CLCN3: variants seen among roughly 807,000 people sequenced by gnomAD.
CLCN3 encodes H(+)/Cl(-) exchange transporter 3.
A neutral mutation model predicts 83.4 loss-of-function variants in CLCN3; 16 were observed. The ratio of observed to expected loss-of-function variants is 0.19; its 90% CI spans 0.13 to 0.29. CLCN3 has a LOEUF of 0.29. CLCN3 is among the 10% of genes least tolerant of loss of function. The probability of loss-of-function intolerance (pLI) is 1.00; values close to 1 mark genes in which losing one functional copy is unlikely to be tolerated. For synonymous variants in CLCN3, 322 were observed against 346.2 expected (o/e 0.93, Z 0.78); for missense variants, 544 against 1,006.0 (o/e 0.54, Z 6.21).
At chr4:169,673,947 G>A (rs1329198326) in intron 2 of CLCN3, among the ~76,000 whole-genome samples, 1 of 152,114 alleles carries the variant, frequency 6.6e-6, no homozygotes, top group East Asian at 1.9e-4. Flanking sequence ...ACTTCAGTGT[G>A]TGTATTCCCT....
At chr4:169,629,272 T>C (rs1365005254) in intron 1 of CLCN3, among the ~76,000 whole-genome samples, 1 of 132,552 alleles carries the variant, frequency 7.5e-6, no homozygotes, top group African/African-American at 2.8e-5. Context: ...GTAAAAGATA[T>C]ACAGGATTTT....
intron 8 of CLCN3, 40 bp downstream of exon 8, chr4:169,695,732 T>A: frequency 7.7e-7 from 1 of 1,292,902 alleles, no homozygotes; most frequent in Non-Finnish European, 1.1e-6. Flanking sequence ...TATATATAAT[T>A]ACCATTACAA....
intron 12 of CLCN3, among the ~76,000 whole-genome samples, chr4:169,713,790 G>A (rs1036302102): frequency 6.6e-6 from 1 of 152,146 alleles, no homozygotes; most frequent in Admixed American, 6.5e-5. Context: ...ATTTGTAAAT[G>A]AGCTAAAAAT....
At chr4:169,684,298 A>C (rs1203970569) in intron 3 of CLCN3, among the ~76,000 whole-genome samples, 1 of 152,180 alleles carries the variant, frequency 6.6e-6, no homozygotes, top group East Asian at 1.9e-4. Flanking sequence ...GATTACCTGA[A>C]GTAAGGGTGG....
rs1417556244 is a variant in CLCN3, at chr4:169,721,844, A to G, written c.*1847A>G. ...GAAAATGAAATTTTTGCAAACAGACATTTTCTTTTTTTTTGGCTGGAGTGC... is the reference window on the plus strand; with the variant it reads ...GAAAATGAAATTTTTGCAAACAGACGTTTTCTTTTTTTTTGGCTGGAGTGC... On this transcript the variant is annotated 3_prime_UTR_variant, in exon 13 of 13. Transcript: ENST00000513761. The G allele has an allele frequency of 2.0e-5, 3 of 151,880 alleles. No homozygotes were observed. The highest frequency in any genetic ancestry group is 4.4e-5 in the Non-Finnish European group (3 of 67,972). The allele number at this position is 151,880 out of a possible 1,614,324, so 9.4% of individuals were successfully genotyped here.
At chr4:169,636,966 T>C (rs1175210626) in intron 2 of CLCN3, among the ~76,000 whole-genome samples, 1 of 152,106 alleles carries the variant, frequency 6.6e-6, no homozygotes, top group East Asian at 1.9e-4. Flanking sequence ...CCAAAGTGGA[T>C]ATAGCATGTA....
At chr4:169,709,007 T>C (rs1469191984) in intron 11 of CLCN3, among the ~76,000 whole-genome samples, 2 of 148,398 alleles carry the variant, frequency 1.3e-5, no homozygotes, top group Non-Finnish European at 3.0e-5. Context: ...GAGATATATA[T>C]TTCTATATCC....
At chr4:169,699,720 A>G (rs111850317) in intron 9 of CLCN3, among the ~76,000 whole-genome samples, 5,739 of 152,046 alleles carry the variant, frequency 0.038, 141 homozygotes, top group South Asian at 0.08. Flanking sequence ...CGTCTTTACT[A>G]AAAATACAAA....
chr4:169,636,108 C>T lies in CLCN3; in HGVS notation c.160+20C>T. 1.3e-6 allele frequency: 2 copies of T among 1,595,454 alleles called. No homozygotes were observed. Among genetic ancestry groups the T allele is most frequent in the Non-Finnish European group, 1.7e-6 (2 of 1,169,258 alleles). Reference sequence around the variant, plus strand: ...CAGTTGGTAAGTTCAGCATGACAGCCTAATGTTTGTATTCATGAATATCCA... The same window carrying T: ...CAGTTGGTAAGTTCAGCATGACAGCTTAATGTTTGTATTCATGAATATCCA... On this transcript the variant is annotated intron_variant, in intron 2 of 12. Transcript: ENST00000513761.
intron 11 of CLCN3, among the ~76,000 whole-genome samples, chr4:169,709,628 T>G (rs1733130813): frequency 6.7e-6 from 1 of 149,958 alleles, no homozygotes; most frequent in Non-Finnish European, 1.5e-5. Context: ...GAGATTGCAG[T>G]AAGCCCCACC....
intron 2 of CLCN3, among the ~76,000 whole-genome samples, chr4:169,642,118 GA>G (rs1236173475): frequency 1.3e-5 from 2 of 151,552 alleles, no homozygotes; most frequent in Non-Finnish European, 2.9e-5. Context: ...ATGTTTTGTA[GA>G]GATGGGATCT....
At chr4:169,629,487 C>T (rs778204670) in intron 1 of CLCN3, among the ~76,000 whole-genome samples, 3 of 152,004 alleles carry the variant, frequency 2.0e-5, no homozygotes, top group African/African-American at 4.8e-5. Flanking sequence ...TCTTCTGCCT[C>T]GGCCTCCTGA....
At chr4:169,669,873 T>A (rs1731391601) in intron 2 of CLCN3, among the ~76,000 whole-genome samples, 1 of 152,196 alleles carries the variant, frequency 6.6e-6, no homozygotes, top group South Asian at 2.1e-4. Context: ...TTGACTGTTA[T>A]TAGTCTTTTT....
At chr4:169,657,040 CACTT>C (rs773238578) in intron 2 of CLCN3, among the ~76,000 whole-genome samples, 1 of 152,110 alleles carries the variant, frequency 6.6e-6, no homozygotes, top group Non-Finnish European at 1.5e-5. Context: ...TCATCCTGGT[CACTT>C]ACTTTAATTA....
chr4:169,710,435 T>G (rs1310895523), intron 11 of CLCN3, among the ~76,000 whole-genome samples: 1 of 152,284 alleles, frequency 6.6e-6, no homozygotes, highest in East Asian at 1.9e-4. Context: ...CTGGCTAATT[T>G]TTGTATTTCT....
intron 7 of CLCN3, among the ~76,000 whole-genome samples, chr4:169,692,604 A>G (rs1287569067): frequency 6.6e-6 from 1 of 152,058 alleles, no homozygotes; most frequent in Non-Finnish European, 1.5e-5. Context: ...TTTACCTTAC[A>G]TCTTTCCTCT....
At chr4:169,680,386 A>C in intron 3 of CLCN3, 179 bp downstream of exon 3, 1 of 524,032 alleles carries the variant, frequency 1.9e-6, no homozygotes, top group Non-Finnish European at 3.4e-6. Context: ...TAGTTTACTT[A>C]TACCCTGTAA....
chr4:169,675,546 A>G (rs962176967), intron 2 of CLCN3, among the ~76,000 whole-genome samples: 15 of 152,164 alleles, frequency 9.9e-5, no homozygotes, highest in Admixed American at 1.3e-4. Context: ...CACTTCTTAT[A>G]TTCTATATCA....
intron 9 of CLCN3, 126 bp downstream of exon 9, chr4:169,697,860 G>T (rs1160854005): frequency 1.5e-6 from 1 of 687,000 alleles, no homozygotes; most frequent in Non-Finnish European, 2.5e-6. Context: ...TTAATTTTAA[G>T]TAATGAAAAA....
Sources: allele counts gnomAD v4.1 joint callset (sites outside exome capture counted in the v4.1 genomes callset), GRCh38; gene constraint gnomAD v4.1.1; transcripts MANE v1.5; gene names NCBI Gene and HGNC (gene_info 2026-07-23, HGNC 2026-07-21).